ZNF423: variants seen among roughly 807,000 people sequenced by gnomAD.
The protein encoded by ZNF423 is zinc finger protein 423.
Under a neutral mutation model 95.8 loss-of-function variants are expected in ZNF423, and 12 were observed. The ratio of observed to expected loss-of-function variants is 0.13; its 90% confidence interval spans 0.08 to 0.20. The LOEUF is 0.20. Among genes scored for constraint, ZNF423 ranks in the 10% least tolerant of loss-of-function variants. The pLI is 1.00. For synonymous variants in ZNF423, 749 were observed against 711.9 expected, an observed-to-expected ratio of 1.05 and a Z score of -0.83; for missense variants, 1,316 against 1,737.1, an observed-to-expected ratio of 0.76 and a Z score of 4.31.
At chr16:49,742,338 G>A (rs2033431162) in intron 2 of ZNF423, among the ~76,000 whole-genome samples, 1 of 152,146 alleles carries the variant, frequency 6.6e-6, no homozygotes, top group South Asian at 2.1e-4. Context: ...TGAGAGGGAG[G>A]GAAGAGGGGA....
intron 3 of ZNF423, among the ~76,000 whole-genome samples, chr16:49,705,055 T>G (rs1340788682): frequency 6.6e-6 from 1 of 152,212 alleles, no homozygotes; most frequent in Non-Finnish European, 1.5e-5. Flanking sequence ...TTTTAAAGGT[T>G]AAATGACAGC....
chr16:49,510,787 G>C (rs1159490705), intron 7 of ZNF423, among the ~76,000 whole-genome samples: 1 of 152,228 alleles, frequency 6.6e-6, no homozygotes. Context: ...TGTTGTCACT[G>C]TTACTAAGAA....
chr16:49,854,824 G>A (rs1281063259), intron 1 of ZNF423: 9 of 985,302 alleles, frequency 9.1e-6, no homozygotes, highest in South Asian at 4.7e-5. Flanking sequence ...GGAGACGAAG[G>A]GATGGGTGTG....
chr16:49,605,487 A>G (rs116502284), intron 5 of ZNF423, among the ~76,000 whole-genome samples: 2,748 of 152,234 alleles, frequency 0.018, 71 homozygotes, highest in African/African-American at 0.063. Context: ...CCCCTTCTAG[A>G]CACTGCTCCA....
chr16:49,658,096 A>G (rs987358369), intron 3 of ZNF423, among the ~76,000 whole-genome samples: 3 of 152,202 alleles, frequency 2.0e-5, no homozygotes, highest in African/African-American at 7.2e-5. Context: ...TAAAATAAAG[A>G]TGTAATTGGG....
chr16:49,701,690 A>G (rs1224632040), intron 3 of ZNF423, among the ~76,000 whole-genome samples: 3 of 152,140 alleles, frequency 2.0e-5, no homozygotes, highest in Non-Finnish European at 4.4e-5. Flanking sequence ...AAGAGAACAT[A>G]CTCTGGCCCC....
At chr16:49,559,683 T>G (rs1005044512) in intron 5 of ZNF423, among the ~76,000 whole-genome samples, 3 of 152,222 alleles carry the variant, frequency 2.0e-5, no homozygotes, top group Non-Finnish European at 4.4e-5. Flanking sequence ...CCAAGCTCCA[T>G]CTTTTGTGCA....
At chr16:49,725,756 C>T (rs2032995685) in intron 3 of ZNF423, among the ~76,000 whole-genome samples, 1 of 152,194 alleles carries the variant, frequency 6.6e-6, no homozygotes, top group Admixed American at 6.5e-5. Context: ...GGACTACAGC[C>T]TTCACTGCAG....
At chr16:49,707,154 C>G (rs916867750) in intron 3 of ZNF423, among the ~76,000 whole-genome samples, 1 of 151,696 alleles carries the variant, frequency 6.6e-6, no homozygotes, top group African/African-American at 2.4e-5. Flanking sequence ...GGTACCTACC[C>G]CCGGGGTCCC....
intron 5 of ZNF423, among the ~76,000 whole-genome samples, chr16:49,543,464 C>T (rs1276752193): frequency 1.3e-5 from 2 of 152,214 alleles, no homozygotes; most frequent in South Asian, 2.1e-4. Context: ...GAGGCAGCTC[C>T]GTCCTTCTGC....
chr16:49,679,304 G>A, intron 3 of ZNF423, among the ~76,000 whole-genome samples: 1 of 152,190 alleles, frequency 6.6e-6, no homozygotes, highest in East Asian at 1.9e-4. Flanking sequence ...GAAACAGGTG[G>A]GATCTCTGCC....
chr16:49,721,107 T>A (rs1386497510), intron 3 of ZNF423, among the ~76,000 whole-genome samples: 1 of 152,202 alleles, frequency 6.6e-6, no homozygotes. Context: ...GGGCAGTGTC[T>A]CTGGAGGCCC....
Position 49,602,671 on chromosome 16 carries a change from A to G in ZNF423, c.3601+23499T>C, listed in dbSNP as rs1023486415. On this transcript the variant is annotated intron_variant, in intron 5 of 7. Coordinates refer to ENST00000563137, the MANE Select transcript of ZNF423 (RefSeq NM_001379286.1). ...CTGGGTGTGGACCAAATTCCTTCTC[A>G]GCAGCCATGCGTTTCCAGCATGCAG... is the stretch of plus-strand genomic sequence containing the variant. Among the ~76,000 whole-genome samples the G allele has an allele frequency of 4.6e-5, 7 of 152,310 alleles. No homozygotes were observed. In the South Asian group the frequency reaches 8.3e-4, roughly 18 times the overall value.
intron 5 of ZNF423, among the ~76,000 whole-genome samples, chr16:49,531,190 G>T (rs1373194032): frequency 6.6e-6 from 1 of 152,010 alleles, no homozygotes; most frequent in Admixed American, 6.6e-5. Context: ...TACACAGGCT[G>T]CTTGGCCAAG....
chr16:49,846,416 A>C (rs912392007), intron 1 of ZNF423, among the ~76,000 whole-genome samples: 5 of 152,192 alleles, frequency 3.3e-5, no homozygotes, highest in Admixed American at 3.3e-4. Context: ...ACACACCCAA[A>C]GAAGTGTAAA....
At chr16:49,495,392 C>A (rs995705633) in intron 7 of ZNF423, among the ~76,000 whole-genome samples, 7 of 152,196 alleles carry the variant, frequency 4.6e-5, no homozygotes, top group African/African-American at 1.7e-4. Flanking sequence ...GGCAGGCCTA[C>A]CCTGGGTCCT....
intron 2 of ZNF423, among the ~76,000 whole-genome samples, chr16:49,746,763 C>T (rs1021530831): frequency 2.6e-5 from 4 of 152,132 alleles, no homozygotes; most frequent in South Asian, 2.1e-4. Context: ...TGAACCACCA[C>T]GCCCAGCCAA....
intron 1 of ZNF423, among the ~76,000 whole-genome samples, chr16:49,792,851 T>C (rs540285930): frequency 1.3e-5 from 2 of 152,298 alleles, no homozygotes; most frequent in Non-Finnish European, 2.9e-5. Context: ...AGTCTTGACT[T>C]CCTGGGCTCA....
chr16:49,744,381 A>G (rs2033477896), intron 2 of ZNF423, among the ~76,000 whole-genome samples: 1 of 151,428 alleles, frequency 6.6e-6, no homozygotes, highest in African/African-American at 2.4e-5. Flanking sequence ...CCGAGCACAC[A>G]CATGGCCAGG....
Sources: gnomAD v4.1 joint callset for allele counts (sites outside exome capture counted in the v4.1 genomes callset) on GRCh38, gnomAD v4.1.1 for gene constraint, MANE v1.5 for transcripts, NCBI Gene and HGNC (gene_info 2026-07-23, HGNC 2026-07-21) for gene names.